Variants in NRCAM observed in about 807,000 individuals in gnomAD.
NRCAM encodes the protein NgCAM-related cell adhesion molecule.
Under a neutral mutation model 156.5 loss-of-function variants are expected in NRCAM, and 83 were observed. The ratio of observed to expected loss-of-function variants is 0.53; its 90% CI spans 0.44 to 0.64. NRCAM has a LOEUF of 0.64. Ranked by LOEUF, NRCAM falls within the 30% of genes least tolerant of loss-of-function variation. NRCAM has a pLI of 0.00. For synonymous variants in NRCAM, 538 were observed against 563.9 expected (o/e 0.95, Z 0.65); for missense variants, 1,417 against 1,597.3 (o/e 0.89, Z 1.92).
chr7:108,255,158 TC>T (rs1290250090), intron 3 of NRCAM, among the ~76,000 whole-genome samples: 1 of 118,804 alleles, frequency 8.4e-6, no homozygotes, highest in African/African-American at 4.0e-5. Flanking sequence ...CCTCTCCCTC[TC>T]CCTCTCCCCC....
Position 108,197,957 on chromosome 7 carries a change from C to A in NRCAM, c.1350G>T (p.Leu450=). 1 of 1,566,596 alleles carries A rather than the reference C, an allele frequency of 6.4e-7. No individual in the cohort carries two copies. The highest frequency in any genetic ancestry group is 8.6e-7 in the Non-Finnish European group (1 of 1,159,872). The change falls in exon 14 of 33, where the codon CTG becomes CTT. Residue 450 remains leucine (L), a splice_region_variant and synonymous_variant. Transcript: ENST00000379028. The part of the protein sequence containing the change: ...YLLANAFVNV[L]AEPPRILTPA... The stretch of plus-strand genomic sequence containing the variant: ...GTCTTTAATAAAATGAGAGCTTACC[C>A]AGCACATTTACAAATGCGTTTGCCA...
intron 3 of NRCAM, among the ~76,000 whole-genome samples, chr7:108,292,291 C>CA (rs2154123277): frequency 6.6e-6 from 1 of 152,228 alleles, no homozygotes; most frequent in East Asian, 1.9e-4. Flanking sequence ...ATAATATGTC[C>CA]AAGTTTCTGT....
intron 3 of NRCAM, among the ~76,000 whole-genome samples, chr7:108,311,017 T>C (rs1357050980): frequency 1.3e-5 from 2 of 152,128 alleles, no homozygotes; most frequent in African/African-American, 2.4e-5. Context: ...TAGAACTACC[T>C]GAGAGTGGGC....
At chr7:108,297,068 CA>C (rs1265639084) in intron 3 of NRCAM, among the ~76,000 whole-genome samples, 5 of 152,182 alleles carry the variant, frequency 3.3e-5, no homozygotes, top group Non-Finnish European at 5.9e-5. Context: ...GCATTAGTCA[CA>C]AGCCAAAGGC....
In NRCAM at chr7:108,157,263, T is replaced by C. The variant is rs533767358; in HGVS notation, c.3677+2200A>G. ...CTCAATAAGCCCAAATGCAAAGTCT[T>C]TCTTTCCTGAGAAACTAAGGCCTAA... On this transcript the variant is annotated intron_variant, in intron 32 of 32. Transcript: ENST00000379028. Among the ~76,000 whole-genome samples the C allele has an allele frequency of 5.9e-5, 9 of 152,268 alleles. No homozygotes were observed. The South Asian group carries it at 1.9e-3, about 32-fold the overall frequency.
At chr7:108,163,646 G>C (rs1374231948) in intron 30 of NRCAM, among the ~76,000 whole-genome samples, 2 of 152,094 alleles carry the variant, frequency 1.3e-5, no homozygotes, top group Non-Finnish European at 2.9e-5. Flanking sequence ...GAGGGACAGA[G>C]GTAAAAGAGG....
chr7:108,277,121 C>G (rs1018981968), intron 3 of NRCAM, among the ~76,000 whole-genome samples: 3 of 152,228 alleles, frequency 2.0e-5, no homozygotes, highest in African/African-American at 7.2e-5. Flanking sequence ...GTCTGATGGA[C>G]TTCCCTTCGT....
At chr7:108,442,766 C>T (rs1410762414) in intron 1 of NRCAM, among the ~76,000 whole-genome samples, 3 of 152,174 alleles carry the variant, frequency 2.0e-5, no homozygotes, top group African/African-American at 7.2e-5. Context: ...TTTAAAAGAT[C>T]TAAAGAGCTC....
At chr7:108,318,924 C>T (rs1563245994) in intron 2 of NRCAM, among the ~76,000 whole-genome samples, 1 of 152,182 alleles carries the variant, frequency 6.6e-6, no homozygotes, top group Non-Finnish European at 1.5e-5. Context: ...ACAAATCAGA[C>T]TTCTATGTCA....
At chr7:108,400,110 T>C (rs934317554) in intron 1 of NRCAM, among the ~76,000 whole-genome samples, 1 of 152,150 alleles carries the variant, frequency 6.6e-6, no homozygotes, top group African/African-American at 2.4e-5. Flanking sequence ...TTGAAGGCGG[T>C]AAGAAAATAT....
chr7:108,396,713 A>G (rs902829334), intron 2 of NRCAM, among the ~76,000 whole-genome samples: 2 of 152,226 alleles, frequency 1.3e-5, no homozygotes, highest in African/African-American at 4.8e-5. Flanking sequence ...TTTGTATATG[A>G]AATATGTATA....
chr7:108,317,279 T>A (rs2098938124), intron 2 of NRCAM, among the ~76,000 whole-genome samples: 1 of 152,228 alleles, frequency 6.6e-6, no homozygotes, highest in Non-Finnish European at 1.5e-5. Flanking sequence ...TAATAGAAAC[T>A]TTAAATGAAA....
In NRCAM at chr7:108,286,217, T is replaced by A. The variant is rs559720920; in HGVS notation, c.-107+26448A>T. ...TCAACAATTTAAAAACATAAAAAAA[T>A]TTATGGCTCAAAATAGGAAAAGGGA... On this transcript the variant is annotated intron_variant, in intron 3 of 32. Transcript: ENST00000379028. Among the ~76,000 whole-genome samples the A allele has an allele frequency of 2.6e-5, 4 of 152,118 alleles. No homozygotes were observed. In the East Asian group the frequency reaches 7.7e-4, roughly 29 times the overall value.
intron 28 of NRCAM, among the ~76,000 whole-genome samples, chr7:108,170,757 A>T (rs1399278967): frequency 6.6e-6 from 1 of 151,730 alleles, no homozygotes; most frequent in Non-Finnish European, 1.5e-5. Flanking sequence ...ATTAACTGAA[A>T]CCTGTCTCAG....
chr7:108,444,371 C>CTTT (rs55925720), intron 1 of NRCAM, among the ~76,000 whole-genome samples: 36,732 of 150,328 alleles, frequency 0.24, 4,713 homozygotes, highest in Non-Finnish European at 0.29. Flanking sequence ...GCTGTATTCT[C>CTTT]TTTTTTTTTG....
chr7:108,303,733 G>A (rs2098669672), intron 3 of NRCAM, among the ~76,000 whole-genome samples: 1 of 152,038 alleles, frequency 6.6e-6, no homozygotes, highest in South Asian at 2.1e-4. Context: ...CCCAGAGCCT[G>A]GAATGTCCTT....
At chr7:108,210,332 C>T (rs972632197) in intron 11 of NRCAM, among the ~76,000 whole-genome samples, 1 of 151,856 alleles carries the variant, frequency 6.6e-6, no homozygotes, top group Non-Finnish European at 1.5e-5. Flanking sequence ...CTGCAAGCTC[C>T]GCCTCCCAGG....
chr7:108,381,010 G>C (rs1030738163), intron 2 of NRCAM, among the ~76,000 whole-genome samples: 1 of 152,114 alleles, frequency 6.6e-6, no homozygotes, highest in Admixed American at 6.5e-5. Flanking sequence ...TTTGAGTCCT[G>C]TCTGGGCAAC....
chr7:108,207,774 A>C, intron 12 of NRCAM, 115 bp from the exon 13 acceptor site: 12 of 759,330 alleles, frequency 1.6e-5, no homozygotes, highest in Non-Finnish European at 2.4e-5. Context: ...AATTAGTCTC[A>C]TTTTTTTTGA....
Sources: allele counts gnomAD v4.1 joint callset (sites outside exome capture counted in the v4.1 genomes callset), GRCh38; gene constraint gnomAD v4.1.1; transcripts MANE v1.5; gene names NCBI Gene and HGNC (gene_info 2026-07-23, HGNC 2026-07-21).